Variants in CREB3L3 observed in about 807,000 individuals in gnomAD.
CREB3L3 encodes the protein cyclic AMP-responsive element-binding protein 3-like protein 3.
CREB3L3 carries 40 observed loss-of-function variants against 44.6 expected under a neutral mutation model. The observed-to-expected ratio is 0.90, with a 90% CI of 0.70 to 1.17. CREB3L3 has a LOEUF of 1.17. CREB3L3 is among the 50% of genes most tolerant of loss of function. CREB3L3 has a pLI of 0.00. For missense variants in CREB3L3, 578 were observed against 595.8 expected, an observed-to-expected ratio of 0.97 and a Z score of 0.31; for synonymous variants, 273 against 256.3, an observed-to-expected ratio of 1.06 and a Z score of -0.62.
Position 4,172,685 on chromosome 19 carries a change from A to G in CREB3L3, c.*716A>G. ...CGGACAGACAGACAGACACAGCCTG[A>G]AACAGACCCAGACAGACAGACAGAC... On this transcript the variant is annotated 3_prime_UTR_variant, in exon 10 of 10. Coordinates refer to ENST00000078445, the MANE Select transcript of CREB3L3 (RefSeq NM_032607.3). 1 of 238,822 alleles carries G rather than the reference A, an allele frequency of 4.2e-6. No homozygotes were observed. Among genetic ancestry groups the G allele is most frequent in the Non-Finnish European group, 8.3e-6 (1 of 121,036 alleles). 14.8% of individuals were successfully genotyped at this position (238,822 alleles called of 1,614,324 possible).
chr19:4,164,606 G>A lies in CREB3L3; in HGVS notation c.680G>A (p.Gly227Asp). The A allele has an allele frequency of 6.2e-7, 1 of 1,614,062 alleles. No homozygotes were observed. The highest frequency in any genetic ancestry group is 8.5e-7 in the Non-Finnish European group (1 of 1,180,018). Residue 227 changes from glycine to aspartate, a missense_variant, in exon 5 of 10, where the codon GGC becomes GAC. By Grantham distance (94) the Gly-to-Asp change is moderately conservative. Transcript: ENST00000078445. ...EDEKKLLAKE[G>D]ITLPTQLPLT... ...GAGAAGAAGCTGCTGGCTAAAGAAG[G>A]CATCACCCTGCCCACTCAGCTGCCC...
chr19:4,163,629 C>T (rs1213349826), intron 4 of CREB3L3, among the ~76,000 whole-genome samples: 1 of 152,032 alleles, frequency 6.6e-6, no homozygotes, highest in South Asian at 2.1e-4. Flanking sequence ...TCTTCTGCCT[C>T]AGCCTCCCGA....
intron 2 of CREB3L3, among the ~76,000 whole-genome samples, chr19:4,156,219 G>C (rs350873): frequency 0.81 from 118,711 of 146,844 alleles, 48,562 homozygotes; most frequent in African/African-American, 0.94. Context: ...GAGTTTCGCT[G>C]TTGTTTTGCC....
intron 2 of CREB3L3, among the ~76,000 whole-genome samples, chr19:4,155,522 C>G (rs995709304): frequency 2.0e-5 from 3 of 151,820 alleles, no homozygotes; most frequent in African/African-American, 2.4e-5. Flanking sequence ...CTGCACCTGG[C>G]TAATTTTTGT....
chr19:4,166,999 T>G (rs1371826873), intron 5 of CREB3L3, among the ~76,000 whole-genome samples: 2 of 152,144 alleles, frequency 1.3e-5, no homozygotes, highest in Non-Finnish European at 2.9e-5. Context: ...CCCAAAGTGC[T>G]GGGATTACAG....
chr19:4,170,518 A>G (rs1967019619), intron 7 of CREB3L3, among the ~76,000 whole-genome samples: 1 of 152,040 alleles, frequency 6.6e-6, no homozygotes, highest in African/African-American at 2.4e-5. Context: ...AGGCTGAGGC[A>G]GGAGAATTGC....
At position 4,171,304 on chromosome 19, in the gene CREB3L3, C is replaced by A; in HGVS notation, c.976-79C>A. On this transcript the variant is annotated intron_variant, in intron 8 of 9. Transcript: ENST00000078445. The surrounding 1 kb of genome is among the most constrained non-coding windows in gnomAD (Gnocchi z 4.9). ...TATGATCCAGTCTGGTCTTTGGGGC[C>A]TCAGTTTCCCTGCCTGTGGGATGGA... 1.3e-6 allele frequency: 2 copies of A among 1,486,760 alleles called. No individual in the cohort carries two copies. Among genetic ancestry groups the A allele is most frequent in the East Asian group, 2.3e-5 (1 of 43,730 alleles). 92.1% of individuals were successfully genotyped at this position (1,486,760 alleles called of 1,614,324 possible).
intron 6 of CREB3L3, among the ~76,000 whole-genome samples, chr19:4,169,687 G>A (rs1212061929): frequency 1.3e-5 from 2 of 150,392 alleles, no homozygotes; most frequent in Non-Finnish European, 2.9e-5. Flanking sequence ...CACTTCCCGG[G>A]TTCAATCGAT....
intron 4 of CREB3L3, 46 bp downstream of exon 4, chr19:4,159,828 C>T (rs1207059493): frequency 2.3e-6 from 2 of 870,770 alleles, no homozygotes; most frequent in Non-Finnish European, 4.0e-6. Context: ...GCTGGGAGGG[C>T]TGCTCGGGTT....
At position 4,172,896 on chromosome 19, in the gene CREB3L3, T is replaced by A. The variant is rs1017697095; in HGVS notation, c.*927T>A. 1 of 153,482 alleles carries A rather than the reference T, an allele frequency of 6.5e-6. No homozygotes were observed. Among genetic ancestry groups the A allele is most frequent in the Non-Finnish European group, 1.5e-5 (1 of 68,962 alleles). The allele number at this position is 153,482 out of a possible 1,614,324, so 9.5% of individuals were successfully genotyped here. A position where few individuals can be genotyped will look rare whatever the true frequency, so the allele number is the denominator to read the frequency against. ...CAGCAACTCCCCGCCCAGGGACCCC[T>A]CCCGGCCTCCCTCGCACACTGGGAG... On this transcript the variant is annotated 3_prime_UTR_variant, in exon 10 of 10. Coordinates refer to ENST00000078445, the MANE Select transcript of CREB3L3 (RefSeq NM_032607.3).
chr19:4,168,981 C>T (rs988225694), intron 6 of CREB3L3, among the ~76,000 whole-genome samples: 2 of 151,752 alleles, frequency 1.3e-5, no homozygotes, highest in Non-Finnish European at 2.9e-5. Context: ...GTGATCTGGC[C>T]GCCTCAGCCT....
intron 1 of CREB3L3, 33 bp downstream of exon 1, chr19:4,153,807 A>T: frequency 6.2e-7 from 1 of 1,613,220 alleles, no homozygotes; most frequent in Non-Finnish European, 8.5e-7. Context: ...GGAGAGCGGG[A>T]GTCTAGGCTG....
rs112608227 is a variant in CREB3L3 at position 4,170,138 on chromosome 19, A to G, written c.822-2A>G. 29 of 1,613,858 alleles carry G rather than the reference A, an allele frequency of 1.8e-5. No homozygotes were observed. The highest frequency in any genetic ancestry group is 2.4e-5 in the Non-Finnish European group (28 of 1,179,932). On this transcript the variant is annotated splice_acceptor_variant, in intron 6 of 9. Coordinates refer to ENST00000078445, the MANE Select transcript of CREB3L3 (RefSeq NM_032607.3). LOFTEE classifies it high-confidence loss of function. ...AATGTCGATGCGTCTTCCTCCTTTC[A>G]GGATGTCAGCTTGCACTGCTCAGAA...
At position 4,171,244 on chromosome 19, in the gene CREB3L3, A is replaced by G; in HGVS notation, c.975+69A>G. On this transcript the variant is annotated intron_variant, in intron 8 of 9. Transcript: ENST00000078445. The surrounding 1 kb of genome is among the most constrained non-coding windows in gnomAD (Gnocchi z 4.9). ...GTAGAGGGGCCCATAGGGAGGTGAC[A>G]ATGAGTCCAAGCTCTCCTTGTGCCC... 1 of 1,496,180 alleles carries G rather than the reference A, an allele frequency of 6.7e-7. No individual in the cohort carries two copies. The highest frequency in any genetic ancestry group is 9.3e-7 in the Non-Finnish European group (1 of 1,073,494). 92.7% of individuals were successfully genotyped at this position (1,496,180 alleles called of 1,614,324 possible). A position where few individuals can be genotyped will look rare whatever the true frequency, so the allele number is the denominator to read the frequency against.
Position 4,171,344 on chromosome 19 carries a change from A to G in CREB3L3, c.976-39A>G. 1 of 1,250,366 alleles carries G rather than the reference A, an allele frequency of 8.0e-7. No individual in the cohort carries two copies. Among genetic ancestry groups the G allele is most frequent in the Non-Finnish European group, 1.1e-6 (1 of 903,920 alleles). 77.5% of individuals were successfully genotyped at this position (1,250,366 alleles called of 1,614,324 possible). On this transcript the variant is annotated intron_variant, in intron 8 of 9. Coordinates refer to ENST00000078445, the MANE Select transcript of CREB3L3 (RefSeq NM_032607.3). The surrounding 1 kb of genome is among the most constrained non-coding windows in gnomAD (Gnocchi z 4.9). ...TGTGGGATGGAGATGCTTGCAGGGG[A>G]GGGGAGGGAGGGGGTGACTCTGCCG...
chr19:4,164,450 G>A (rs886475360), intron 4 of CREB3L3, 53 bp from the exon 5 acceptor site: 6 of 1,610,814 alleles, frequency 3.7e-6, no homozygotes, highest in African/African-American at 1.3e-5. Context: ...TTCATTTCCT[G>A]AAGGCAGTTG....
In CREB3L3 at chr19:4,172,091, G is replaced by T. The variant is rs184722314; in HGVS notation, c.*122G>T. On this transcript the variant is annotated 3_prime_UTR_variant, in exon 10 of 10. Coordinates refer to ENST00000078445, the MANE Select transcript of CREB3L3 (RefSeq NM_032607.3). ...AAGACCCCAGCAGAGATGCCAGAAT[G>T]GGGGAGGCACAGCTCATAGCCACAC... 4 of 1,064,050 alleles carry T rather than the reference G, an allele frequency of 3.8e-6. No individual in the cohort carries two copies. In the East Asian group the frequency reaches 1.0e-4, roughly 28 times the overall value. The allele number at this position is 1,064,050 out of a possible 1,614,324, so 65.9% of individuals were successfully genotyped here.
intron 4 of CREB3L3, 72 bp downstream of exon 4, chr19:4,159,854 T>G (rs2041636411): frequency 2.5e-6 from 2 of 786,338 alleles, no homozygotes; most frequent in Non-Finnish European, 4.7e-6. Context: ...AGCCTAAATA[T>G]CCCCGTTTCA....
In CREB3L3 at chr19:4,171,098, T is replaced by C. The variant is rs780320814; in HGVS notation, c.898T>C (p.Leu300=). The change falls in exon 8 of 10, where the codon TTG becomes CTG. Residue 300 remains leucine, a synonymous_variant. Transcript: ENST00000078445. The surrounding 1 kb of genome is among the most constrained non-coding windows in gnomAD (Gnocchi z 4.9). ...CCTGCCTGTCTCTCTAAGGTCCCTC[T>C]TGGAGCAACTGAAGAAACTCCAGGC... ...LHLEKQNLSL[L]EQLKKLQAIV... 5 of 1,613,838 alleles carry C rather than the reference T, an allele frequency of 3.1e-6. No individual in the cohort carries two copies. The highest frequency in any genetic ancestry group is 1.7e-5 in the Admixed American group (1 of 59,994).
Sources: allele counts gnomAD v4.1 joint callset (sites outside exome capture counted in the v4.1 genomes callset), GRCh38; gene constraint gnomAD v4.1.1; non-coding constraint Gnocchi (gnomAD v3.1); transcripts MANE v1.5; gene names NCBI Gene and HGNC (gene_info 2026-07-23, HGNC 2026-07-21).